NUFIP1: variants seen among roughly 807,000 people sequenced by gnomAD.
The protein encoded by NUFIP1 is FMR1-interacting protein NUFIP1.
NUFIP1 carries 38 observed loss-of-function variants against 56.2 expected under a neutral mutation model. The observed-to-expected ratio is 0.68, with a 90% CI of 0.52 to 0.89. The LOEUF is 0.89. Ranked by LOEUF, NUFIP1 falls within the 40% of genes least tolerant of loss-of-function variation. The pLI is 0.00. For synonymous variants in NUFIP1, 215 were observed against 212.4 expected (o/e 1.01, Z -0.10); for missense variants, 567 against 605.8 (o/e 0.94, Z 0.67).
At chr13:44,957,806 T>TCTTTTAGA (rs1419141671) in intron 7 of NUFIP1, among the ~76,000 whole-genome samples, 2 of 152,194 alleles carry the variant, frequency 1.3e-5, no homozygotes, top group Non-Finnish European at 2.9e-5. Flanking sequence ...GTCCTTCAAG[T>TCTTTTAGA]GTTCATTTAG....
At chr13:44,973,617 GAC>G (rs1057339209) in intron 5 of NUFIP1, among the ~76,000 whole-genome samples, 27 of 152,256 alleles carry the variant, frequency 1.8e-4, no homozygotes, top group African/African-American at 6.5e-4. Flanking sequence ...AAGAATAAAA[GAC>G]ACATATGCAA....
intron 1 of NUFIP1, among the ~76,000 whole-genome samples, chr13:44,983,702 T>C (rs1021580887): frequency 3.3e-5 from 5 of 152,058 alleles, no homozygotes; most frequent in African/African-American, 1.2e-4. Context: ...GAGGCTGAGA[T>C]GGGAGAATCA....
At position 44,949,851 on chromosome 13, in the gene NUFIP1, G is replaced by T. The variant is rs775044302; in HGVS notation, c.1022-13C>A. The T allele has an allele frequency of 3.7e-6, 5 of 1,342,854 alleles. No homozygotes were observed. Among genetic ancestry groups the T allele is most frequent in the Middle Eastern group, 1.8e-4 (1 of 5,532 alleles). The allele number at this position is 1,342,854 out of a possible 1,614,324, so 83.2% of individuals were successfully genotyped here. On this transcript the variant is annotated splice_polypyrimidine_tract_variant and intron_variant, in intron 7 of 9. Coordinates refer to ENST00000379161, the MANE Select transcript of NUFIP1 (RefSeq NM_012345.3). ...TCCTTATCAGACTCTGAAGGGAAAA[G>T]AAGTCAGATTCAAAACATCTACCAC...
At chr13:44,980,869 A>C (rs1318035816) in intron 2 of NUFIP1, 49 bp from the exon 3 acceptor site, 1 of 1,205,402 alleles carries the variant, frequency 8.3e-7, no homozygotes, top group Non-Finnish European at 1.2e-6. Flanking sequence ...AAAATCTGTA[A>C]TCAATAATAA....
At chr13:44,962,973 T>A (rs1030975672) in intron 6 of NUFIP1, among the ~76,000 whole-genome samples, 1 of 150,630 alleles carries the variant, frequency 6.6e-6, no homozygotes, top group African/African-American at 2.5e-5. Context: ...GTATACTCTA[T>A]GATATTCATA....
At chr13:44,945,358 C>T (rs1204431716) in intron 8 of NUFIP1, among the ~76,000 whole-genome samples, 2 of 151,868 alleles carry the variant, frequency 1.3e-5, no homozygotes, top group Admixed American at 1.3e-4. Context: ...AAATTTAATT[C>T]ATAATTTAAA....
intron 8 of NUFIP1, among the ~76,000 whole-genome samples, chr13:44,946,685 T>C (rs532671839): frequency 7.9e-5 from 12 of 152,320 alleles, no homozygotes; most frequent in African/African-American, 2.9e-4. Flanking sequence ...TGCTAATTCT[T>C]AAGTCAAGAC....
chr13:44,965,875 T>C lies in NUFIP1; in HGVS notation c.796A>G (p.Arg266Gly), dbSNP rs1871581232. Reference sequence around the variant, plus strand: ...TGTGTTGTTGTCAATACTGCTCCTCTCTTCTCCTTTTCAAGTTTTAACTTC... The same window carrying C: ...TGTGTTGTTGTCAATACTGCTCCTCCCTTCTCCTTTTCAAGTTTTAACTTC... ...KKKLKLEKEK[R>G]GAVLTTTQYG... Residue 266 changes from arginine to glycine, a missense_variant, in exon 6 of 10, where the codon AGA becomes GGA. Transcript: ENST00000379161. 1.2e-6 allele frequency: 2 copies of C among 1,602,422 alleles called. No homozygotes were observed. Among genetic ancestry groups the C allele is most frequent in the African/African-American group, 2.7e-5 (2 of 74,370 alleles).
At chr13:44,956,685 G>C (rs897886603) in intron 7 of NUFIP1, among the ~76,000 whole-genome samples, 1 of 152,162 alleles carries the variant, frequency 6.6e-6, no homozygotes, top group Non-Finnish European at 1.5e-5. Context: ...GCTCCTATGA[G>C]AATCTAATGC....
Position 44,979,969 on chromosome 13 carries a change from G to GAAA in NUFIP1, c.595-20_595-18dup. 2 of 1,460,256 alleles carry GAAA rather than the reference G, an allele frequency of 1.4e-6. No homozygotes were observed. The highest frequency in any genetic ancestry group is 2.1e-5 in the Admixed American group (1 of 46,528). The allele number at this position is 1,460,256 out of a possible 1,614,324, so 90.5% of individuals were successfully genotyped here. On this transcript the variant is annotated splice_polypyrimidine_tract_variant and intron_variant, in intron 3 of 9. Transcript: ENST00000379161. ...TTCAGGGCACTATGAGTTTTTAAAA[G>GAAA]AAAAAAAAAACTATTTAACAAATGT... is the stretch of plus-strand genomic sequence containing the variant.
At chr13:44,972,239 G>T (rs768492681) in intron 5 of NUFIP1, among the ~76,000 whole-genome samples, 13 of 152,090 alleles carry the variant, frequency 8.5e-5, no homozygotes, top group Non-Finnish European at 1.5e-4. Context: ...TTATATAAAG[G>T]CTAAATACTG....
intron 5 of NUFIP1, among the ~76,000 whole-genome samples, chr13:44,971,124 T>C (rs760344545): frequency 6.5e-4 from 99 of 152,290 alleles, no homozygotes; most frequent in Middle Eastern, 3.4e-3. Flanking sequence ...CTTCAGAATA[T>C]ATTAAAGAGC....
chr13:44,983,290 C>T (rs1478657932), intron 1 of NUFIP1, among the ~76,000 whole-genome samples: 1 of 152,150 alleles, frequency 6.6e-6, no homozygotes, highest in Non-Finnish European at 1.5e-5. Context: ...ATTCTCCTGC[C>T]TCAGCCTCCC....
chr13:44,941,752 A>T lies in NUFIP1; in HGVS notation c.1372-430T>A, dbSNP rs548162781. Among the ~76,000 whole-genome samples, 11 of 152,248 alleles carry T rather than the reference A, an allele frequency of 7.2e-5. No homozygotes were observed. The East Asian group carries it at 1.7e-3, about 24-fold the overall frequency. ...ATGGTCTCGATCTCCTGACCTTGTG[A>T]TCCACCCGCCTCGGCATCCCAAAGT... On this transcript the variant is annotated intron_variant, in intron 9 of 9. Transcript: ENST00000379161.
chr13:44,968,806 G>C (rs1193090385), intron 5 of NUFIP1, among the ~76,000 whole-genome samples: 4 of 152,348 alleles, frequency 2.6e-5, no homozygotes, highest in East Asian at 1.9e-4. Context: ...ACGTACCAGA[G>C]AGCAGATGCT....
At chr13:44,950,926 A>C (rs1871068494) in intron 7 of NUFIP1, among the ~76,000 whole-genome samples, 1 of 152,202 alleles carries the variant, frequency 6.6e-6, no homozygotes, top group African/African-American at 2.4e-5. Flanking sequence ...TAAAACCAAT[A>C]TAAAATGTTT....
chr13:44,959,472 A>G lies in NUFIP1; in HGVS notation c.930T>C (p.Thr310=). 1.9e-6 allele frequency: 3 copies of G among 1,614,186 alleles called. No homozygotes were observed. The highest frequency in any genetic ancestry group is 2.5e-6 in the Non-Finnish European group (3 of 1,180,018). Residue 310 remains threonine, a synonymous_variant, in exon 7 of 10, where the codon ACT becomes ACC. Coordinates refer to ENST00000379161, the MANE Select transcript of NUFIP1 (RefSeq NM_012345.3). ...AATCACACAAGTGACTGCCTGATCC[A>G]GTGACTGCTCTCTGTCTAGAATTGT... ...KNDNSRQRAV[T]GSGSHLCDLK...
intron 7 of NUFIP1, among the ~76,000 whole-genome samples, chr13:44,950,332 A>T (rs1478413632): frequency 1.3e-5 from 2 of 152,316 alleles, no homozygotes; most frequent in South Asian, 4.1e-4. Context: ...TCAAACAGTA[A>T]TGCTGGAATT....
chr13:44,952,564 T>A (rs1871117590), intron 7 of NUFIP1, among the ~76,000 whole-genome samples: 1 of 152,218 alleles, frequency 6.6e-6, no homozygotes, highest in Admixed American at 6.5e-5. Flanking sequence ...CTTTCCCTCC[T>A]CCCTTCTTTT....
Sources: gnomAD v4.1 joint callset for allele counts (sites outside exome capture counted in the v4.1 genomes callset) on GRCh38, gnomAD v4.1.1 for gene constraint, MANE v1.5 for transcripts, NCBI Gene and HGNC (gene_info 2026-07-23, HGNC 2026-07-21) for gene names.